INSC: variants seen among roughly 807,000 people sequenced by gnomAD.
INSC encodes INSC spindle orientation adaptor protein.
A neutral mutation model predicts 58.6 loss-of-function variants in INSC; 67 were observed. That is an observed-to-expected ratio of 1.14 (90% confidence interval 0.94 to 1.40). INSC has a LOEUF of 1.40. Ranked by LOEUF, INSC falls within the 40% of genes most tolerant of loss-of-function variation. The pLI is 0.00. For synonymous variants in INSC, 262 were observed against 276.1 expected (o/e 0.95, Z 0.51); for missense variants, 714 against 692.0 (o/e 1.03, Z -0.36).
chr11:15,150,549 G>A (rs1848617311), intron 2 of INSC, among the ~76,000 whole-genome samples: 1 of 152,180 alleles, frequency 6.6e-6, no homozygotes, highest in Non-Finnish European at 1.5e-5. Context: ...CAGCAGCCTG[G>A]GTAAATCATA....
At chr11:15,263,562 G>A in the INSC span, among the ~76,000 whole-genome samples, 695 of 152,228 alleles carry the variant, frequency 4.6e-3, 9 homozygotes, top group African/African-American at 0.016. Context: ...AGCTGTAAGT[G>A]AAATACTGTC....
intron 2 of INSC, among the ~76,000 whole-genome samples, chr11:15,174,201 C>G (rs1010567201): frequency 1.3e-5 from 2 of 152,198 alleles, no homozygotes; most frequent in African/African-American, 4.8e-5. Flanking sequence ...GATCTCTCTC[C>G]TTGGAGCAAT....
At chr11:15,220,099 A>G (rs1244147097) in intron 7 of INSC, among the ~76,000 whole-genome samples, 4 of 152,160 alleles carry the variant, frequency 2.6e-5, no homozygotes, top group Admixed American at 2.6e-4. Flanking sequence ...AATGGACCTT[A>G]CAGCTCCCAA....
At chr11:15,141,127 G>GC (rs1564865522) in intron 1 of INSC, among the ~76,000 whole-genome samples, 1 of 151,860 alleles carries the variant, frequency 6.6e-6, no homozygotes, top group Non-Finnish European at 1.5e-5. Context: ...AATCTCTAAG[G>GC]CCCCCCTACT....
chr11:15,113,137 CTT>C (rs1491160813), upstream of INSC, among the ~76,000 whole-genome samples: 2 of 126,200 alleles, frequency 1.6e-5, no homozygotes, highest in African/African-American at 6.0e-5. Context: ...TTCTTTCTTT[CTT>C]TCTTTCTGTC....
chr11:15,188,899 A>G (rs1338829420), intron 5 of INSC, among the ~76,000 whole-genome samples: 1 of 152,170 alleles, frequency 6.6e-6, no homozygotes, highest in Non-Finnish European at 1.5e-5. Flanking sequence ...GCTTGTGGTA[A>G]TGGTGGGGAA....
chr11:15,222,517 C>G (rs1463919670), intron 8 of INSC, among the ~76,000 whole-genome samples: 2 of 152,110 alleles, frequency 1.3e-5, no homozygotes, highest in African/African-American at 4.8e-5. Flanking sequence ...TGGGTTTGGA[C>G]TCGGGCTTTT....
chr11:15,229,943 TAATATTATATATATATTTA>T (rs1851787268), intron 9 of INSC, among the ~76,000 whole-genome samples: 1 of 5,110 alleles, frequency 2.0e-4, no homozygotes, highest in Admixed American at 5.3e-3. Context: ...TATATATATA[TAATATTATATATATATTTA>T]TATATATATA....
rs982828500 is a variant in INSC at position 15,180,316 on chromosome 11, G to A, written c.579+1869G>A. Among the ~76,000 whole-genome samples, 6 of 152,110 alleles carry A rather than the reference G, an allele frequency of 3.9e-5. No individual in the cohort carries two copies. The South Asian group carries it at 1.2e-3, about 32-fold the overall frequency. On this transcript the variant is annotated intron_variant, in intron 5 of 12. Transcript: ENST00000379556. Reference sequence around the variant, plus strand: ...ACAAACAAAAAGGGCTGAAAAAGAGGTGTTAAACTGTGAGTGAAAGCCAGC... The same window carrying A: ...ACAAACAAAAAGGGCTGAAAAAGAGATGTTAAACTGTGAGTGAAAGCCAGC...
In INSC at chr11:15,131,470, A is replaced by G. The variant is rs144432397; in HGVS notation, c.-46+16467A>G. Among the ~76,000 whole-genome samples, 137 of 152,178 alleles carry G rather than the reference A, an allele frequency of 9.0e-4. 4 individuals carry two copies. In the East Asian group the frequency reaches 0.024, roughly 27 times the overall value. ...AATGTGTATTCTGGGTGTTCTATTC[A>G]TGAATATTAATTCTAACTTAAATGT... On this transcript the variant is annotated intron_variant, in intron 1 of 12. Transcript: ENST00000379556.
intron 3 of INSC, 145 bp downstream of exon 3, chr11:15,176,231 G>C (rs1056671350): frequency 4.3e-6 from 3 of 691,126 alleles, no homozygotes; most frequent in Non-Finnish European, 7.0e-6. Flanking sequence ...AAAGAGAGTG[G>C]AATCTTTACT....
chr11:15,180,275 CAAAA>C (rs1264144652), intron 5 of INSC, among the ~76,000 whole-genome samples: 5 of 150,268 alleles, frequency 3.3e-5, no homozygotes, highest in African/African-American at 1.3e-4. Context: ...ACAAACAAAA[CAAAA>C]CAAACAAACA....
chr11:15,136,404 T>A (rs2133715975), intron 1 of INSC, among the ~76,000 whole-genome samples: 1 of 152,262 alleles, frequency 6.6e-6, no homozygotes, highest in South Asian at 2.1e-4. Context: ...TTTCTTAAAA[T>A]AAGGCAACAG....
chr11:15,144,597 T>C (rs534995984), intron 1 of INSC, among the ~76,000 whole-genome samples: 4 of 152,344 alleles, frequency 2.6e-5, no homozygotes, highest in African/African-American at 9.6e-5. Context: ...CCCCTGTCCC[T>C]TCCATGTTGA....
At position 15,246,578 on chromosome 11, in the gene INSC, G is replaced by T. The variant is rs1273171064; in HGVS notation, c.*538G>T. 6.6e-6 allele frequency: 1 copy of T among 152,450 alleles called. No individual in the cohort carries two copies. Among genetic ancestry groups the T allele is most frequent in the African/African-American group, 2.4e-5 (1 of 41,338 alleles). The allele number at this position is 152,450 out of a possible 1,614,324, so 9.4% of individuals were successfully genotyped here. On this transcript the variant is annotated 3_prime_UTR_variant, in exon 13 of 13. Transcript: ENST00000379556. ...TTTAAACTAGGTTCTTGCTTCCCAG[G>T]TTTCATTCCCCAAAAACTTTTCCAA...
At chr11:15,226,543 G>A (rs1851646298) in intron 9 of INSC, among the ~76,000 whole-genome samples, 1 of 152,150 alleles carries the variant, frequency 6.6e-6, no homozygotes, top group Non-Finnish European at 1.5e-5. Flanking sequence ...ACCAAGGAGT[G>A]GGGGTGGTAG....
intron 9 of INSC, among the ~76,000 whole-genome samples, chr11:15,227,668 CTTGATTGA>C (rs1851693377): frequency 6.6e-6 from 1 of 152,160 alleles, no homozygotes; most frequent in Non-Finnish European, 1.5e-5. Flanking sequence ...TGGCTATTGG[CTTGATTGA>C]CTCCTGAGGG....
rs1052728642 is a variant in INSC at position 15,198,005 on chromosome 11, C to T, written c.694-2819C>T. ...GCTTCACTCCAGGATGAGTGCTGCA[C>T]TCGGTTCTTGAATGGGGGCTCCAGA... On this transcript the variant is annotated intron_variant, in intron 6 of 12. Coordinates refer to ENST00000379556, the MANE Select transcript of INSC (RefSeq NM_001042536.3). Among the ~76,000 whole-genome samples the T allele has an allele frequency of 4.5e-5, 6 of 134,708 alleles. No homozygotes were observed. In the South Asian group the frequency reaches 1.2e-3, roughly 27 times the overall value. 88.4% of individuals were successfully genotyped at this position (134,708 alleles called of 152,430 possible). A position where few individuals can be genotyped will look rare whatever the true frequency, so the allele number is the denominator to read the frequency against.
At chr11:15,125,598 A>C (rs1847974562) in intron 1 of INSC, among the ~76,000 whole-genome samples, 1 of 152,206 alleles carries the variant, frequency 6.6e-6, no homozygotes, top group Non-Finnish European at 1.5e-5. Flanking sequence ...CCCTGCCTAC[A>C]TATGAGGCCC....
Sources: allele counts gnomAD v4.1 joint callset (sites outside exome capture counted in the v4.1 genomes callset), GRCh38; gene constraint gnomAD v4.1.1; transcripts MANE v1.5; gene names NCBI Gene and HGNC (gene_info 2026-07-23, HGNC 2026-07-21).